The following SLIT2 variants were observed in gnomAD, a reference collection of about 807,000 sequenced individuals.
SLIT2 encodes the protein slit guidance ligand 2.
In SLIT2, 41 loss-of-function variants were observed where a neutral mutation model predicts 185.7. The ratio of observed to expected loss-of-function variants is 0.22; its 90% CI spans 0.17 to 0.29. The LOEUF is 0.29. SLIT2 is among the 10% of genes least tolerant of loss of function. The pLI is 1.00. For synonymous variants in SLIT2, 693 were observed against 680.2 expected, an observed-to-expected ratio of 1.02 and a Z score of -0.29; for missense variants, 1,571 against 1,909.0, an observed-to-expected ratio of 0.82 and a Z score of 3.30.
At chr4:20,403,948 GA>G (rs1371087683) in intron 4 of SLIT2, among the ~76,000 whole-genome samples, 1 of 150,772 alleles carries the variant, frequency 6.6e-6, no homozygotes, top group Non-Finnish European at 1.5e-5. Context: ...AAGTTTGGAA[GA>G]TAGATTCATT....
intron 4 of SLIT2, among the ~76,000 whole-genome samples, chr4:20,345,693 GC>G (rs34459647): frequency 0.67 from 101,497 of 150,830 alleles, 35,275 homozygotes; most frequent in Non-Finnish European, 0.78. Flanking sequence ...ACACCACCAT[GC>G]CCGGCTAATT....
rs115942280 is a variant in SLIT2 at position 20,463,960 on chromosome 4, C to T, written c.396-3792C>T. ...TTGATTTCCCAACTTCATTAATGGTCCTCTCATCTAACTTCAGAGTGACCC... is the reference window on the plus strand; with the variant it reads ...TTGATTTCCCAACTTCATTAATGGTTCTCTCATCTAACTTCAGAGTGACCC... On this transcript the variant is annotated intron_variant, in intron 4 of 36. Coordinates refer to ENST00000504154, the MANE Select transcript of SLIT2 (RefSeq NM_004787.4). Among the ~76,000 whole-genome samples, 380 of 152,058 alleles carry T rather than the reference C, an allele frequency of 2.5e-3. 2 individuals are homozygous for T. Among genetic ancestry groups the T allele is most frequent in the African/African-American group, 9.0e-3 (373 of 41,478 alleles).
intron 4 of SLIT2, among the ~76,000 whole-genome samples, chr4:20,270,542 A>G (rs1188290510): frequency 2.0e-5 from 3 of 151,996 alleles, no homozygotes; most frequent in Non-Finnish European, 4.4e-5. Flanking sequence ...AGCATTTCCT[A>G]ATTAATTAAA....
At chr4:20,607,861 G>T (rs1322771057) in intron 33 of SLIT2, among the ~76,000 whole-genome samples, 1 of 152,112 alleles carries the variant, frequency 6.6e-6, no homozygotes, top group East Asian at 1.9e-4. Flanking sequence ...TTGGAAAGCT[G>T]TGTATAACCT....
intron 24 of SLIT2, among the ~76,000 whole-genome samples, chr4:20,550,061 A>G (rs1315391956): frequency 6.6e-6 from 1 of 152,108 alleles, no homozygotes; most frequent in Non-Finnish European, 1.5e-5. Context: ...GACTTTGTCC[A>G]TTTAGAAGTT....
In SLIT2 at chr4:20,254,871, C is replaced by T; in HGVS notation, c.179+877C>T. 1 of 454,982 alleles carries T rather than the reference C, an allele frequency of 2.2e-6. No homozygotes were observed. The highest frequency in any genetic ancestry group is 1.6e-5 in the South Asian group (1 of 64,378). 28.2% of individuals were successfully genotyped at this position (454,982 alleles called of 1,614,324 possible). ...CTTCACGTGGCAGCAGTTCCCCTGC[C>T]TTCCCCTCTTCGCGCTCCGTTGCTC... On this transcript the variant is annotated intron_variant, in intron 1 of 36. Transcript: ENST00000504154. The surrounding 1 kb of genome is among the most constrained non-coding windows in gnomAD (Gnocchi z 5.1).
At chr4:20,282,374 A>G (rs1422645962) in intron 4 of SLIT2, among the ~76,000 whole-genome samples, 1 of 152,204 alleles carries the variant, frequency 6.6e-6, no homozygotes, top group Non-Finnish European at 1.5e-5. Flanking sequence ...AATAACTATT[A>G]TACCCCCAAT....
In SLIT2 at chr4:20,377,045, A is replaced by G. The variant is rs561707705; in HGVS notation, c.396-90707A>G. Among the ~76,000 whole-genome samples, 86 of 151,972 alleles carry G rather than the reference A, an allele frequency of 5.7e-4. No individual in the cohort carries two copies. In the South Asian group the frequency reaches 0.014, roughly 25 times the overall value. ...ATTTAAAAAAAGTAAAAAAAATAAAAAGAGAGAGAGAAAGTATTCAATACT... is the reference window on the plus strand; with the variant it reads ...ATTTAAAAAAAGTAAAAAAAATAAAGAGAGAGAGAGAAAGTATTCAATACT... On this transcript the variant is annotated intron_variant, in intron 4 of 36. Transcript: ENST00000504154.
At chr4:20,570,776 C>T (rs1725540975) in intron 29 of SLIT2, among the ~76,000 whole-genome samples, 1 of 141,488 alleles carries the variant, frequency 7.1e-6, no homozygotes, top group Non-Finnish European at 1.5e-5. Context: ...CTGATGAAAA[C>T]CTAGGCTTTG....
intron 4 of SLIT2, among the ~76,000 whole-genome samples, chr4:20,404,350 T>C (rs894870940): frequency 6.6e-6 from 1 of 151,930 alleles, no homozygotes. Context: ...AAGAGTAGCA[T>C]AGTCATTATA....
At chr4:20,392,639 A>G (rs1179251478) in intron 4 of SLIT2, among the ~76,000 whole-genome samples, 3 of 152,132 alleles carry the variant, frequency 2.0e-5, no homozygotes, top group Non-Finnish European at 4.4e-5. Context: ...ACAGCTGTAT[A>G]AAATGTTTTT....
chr4:20,359,102 G>A (rs1722551587), intron 4 of SLIT2, among the ~76,000 whole-genome samples: 1 of 152,074 alleles, frequency 6.6e-6, no homozygotes. Context: ...CCATGAAACT[G>A]GTACCCAACA....
intron 26 of SLIT2, among the ~76,000 whole-genome samples, chr4:20,564,805 G>A (rs1407416045): frequency 2.6e-5 from 4 of 151,020 alleles, no homozygotes; most frequent in Non-Finnish European, 5.9e-5. Context: ...TAGCTAAACT[G>A]AACATATATG....
At chr4:20,581,238 C>T (rs1041991068) in intron 29 of SLIT2, among the ~76,000 whole-genome samples, 1 of 152,214 alleles carries the variant, frequency 6.6e-6, no homozygotes, top group Non-Finnish European at 1.5e-5. Context: ...CATCTTCCCT[C>T]TATGCCTGTC....
chr4:20,546,836 C>T (rs1723293291), intron 22 of SLIT2, among the ~76,000 whole-genome samples: 1 of 151,622 alleles, frequency 6.6e-6, no homozygotes, highest in Non-Finnish European at 1.5e-5. Flanking sequence ...TTTAAAGTAG[C>T]CTTATTGGTA....
At chr4:20,270,171 G>C (rs16869445) in intron 4 of SLIT2, among the ~76,000 whole-genome samples, 2,174 of 151,948 alleles carry the variant, frequency 0.014, 57 homozygotes, top group African/African-American at 0.05. Context: ...AAAGATTATA[G>C]GTATGCATAT....
chr4:20,308,240 T>C (rs1717764195), intron 4 of SLIT2, among the ~76,000 whole-genome samples: 1 of 152,154 alleles, frequency 6.6e-6, no homozygotes. Context: ...AAACGGGATG[T>C]CATAGCTCAC....
chr4:20,520,180 C>T (rs1720717274), intron 12 of SLIT2, among the ~76,000 whole-genome samples: 1 of 151,958 alleles, frequency 6.6e-6, no homozygotes, highest in Non-Finnish European at 1.5e-5. Context: ...TCAGACTAAA[C>T]CTTTAGAGAG....
chr4:20,427,327 T>G (rs1239368600), intron 4 of SLIT2, among the ~76,000 whole-genome samples: 1 of 152,198 alleles, frequency 6.6e-6, no homozygotes, highest in East Asian at 1.9e-4. Flanking sequence ...TGTGTTTCTG[T>G]TAATGTACAT....
Sources: gnomAD v4.1 joint callset for allele counts (sites outside exome capture counted in the v4.1 genomes callset) on GRCh38, gnomAD v4.1.1 for gene constraint, Gnocchi (gnomAD v3.1) non-coding constraint, MANE v1.5 for transcripts, NCBI Gene and HGNC (gene_info 2026-07-23, HGNC 2026-07-21) for gene names.